Variants in IPO7 observed in about 807,000 individuals in gnomAD.
IPO7 encodes the protein importin 7, also known as importin-7.
A neutral mutation model predicts 136.4 loss-of-function variants in IPO7; 13 were observed. The observed-to-expected ratio is 0.10, with a 90% CI of 0.06 to 0.15. IPO7 has a LOEUF of 0.15. Among genes scored for constraint, IPO7 ranks in the 10% least tolerant of loss-of-function variants. The pLI, the probability that IPO7 is intolerant of heterozygous loss-of-function variation, is 1.00. For missense variants in IPO7, 857 were observed against 1,240.6 expected, an observed-to-expected ratio of 0.69 and a Z score of 4.65; for synonymous variants, 403 against 404.4, an observed-to-expected ratio of 1.00 and a Z score of 0.04.
At chr11:9,410,665 T>C (rs1312692508) in intron 4 of IPO7, among the ~76,000 whole-genome samples, 1 of 152,240 alleles carries the variant, frequency 6.6e-6, no homozygotes, top group Non-Finnish European at 1.5e-5. Context: ...CAAGTGATTA[T>C]TTTAGATCTT....
At chr11:9,386,918 T>C (rs537994973) in intron 1 of IPO7, among the ~76,000 whole-genome samples, 1 of 152,334 alleles carries the variant, frequency 6.6e-6, no homozygotes, top group South Asian at 2.1e-4. Flanking sequence ...TTATAACACC[T>C]AGATTTTTAA....
At chr11:9,404,088 C>T (rs1012984272) in intron 2 of IPO7, among the ~76,000 whole-genome samples, 2 of 152,100 alleles carry the variant, frequency 1.3e-5, no homozygotes, top group Admixed American at 1.3e-4. Context: ...ATACAAAGTA[C>T]CAATAATTTC....
chr11:9,397,341 A>AAAAAAAAAAAAAAAAAAAAAATATATAT, intron 1 of IPO7, among the ~76,000 whole-genome samples: 1 of 10,762 alleles, frequency 9.3e-5, no homozygotes, highest in Non-Finnish European at 1.8e-4. Context: ...TTTAAAAAAA[A>AAAAAAAAAAAAAAAAAAAAAATATATAT]ATATATATAT....
intron 1 of IPO7, among the ~76,000 whole-genome samples, chr11:9,390,383 A>C (rs1001630918): frequency 2.6e-5 from 4 of 151,606 alleles, no homozygotes; most frequent in African/African-American, 9.7e-5. Context: ...GATATACCTT[A>C]CTTATAAATG....
In IPO7 at chr11:9,412,385, G is replaced by C. The variant is rs1364886452; in HGVS notation, c.480-1870G>C. 5.3e-5 allele frequency among the ~76,000 whole-genome samples: 8 copies of C among 152,274 alleles called. No homozygotes were observed. In the South Asian group the frequency reaches 6.2e-4, roughly 12 times the overall value. Reference sequence around the variant, plus strand: ...GAGGGATACCAATAAATACAACTGGGATGTGCTATGGAAAACCAATTTAAA... The same window carrying C: ...GAGGGATACCAATAAATACAACTGGCATGTGCTATGGAAAACCAATTTAAA... On this transcript the variant is annotated intron_variant, in intron 4 of 24. Coordinates refer to ENST00000379719, the MANE Select transcript of IPO7 (RefSeq NM_006391.3).
At position 9,445,692 on chromosome 11, in the gene IPO7, G is replaced by A. The variant is rs1375528517; in HGVS notation, c.*498G>A. On this transcript the variant is annotated 3_prime_UTR_variant, in exon 25 of 25. Transcript: ENST00000379719. ...ATATGTAAATAAGATAAGGTCATCT[G>A]ATAGCCTTATTCAGTCTTCATCATT... The A allele has an allele frequency of 6.5e-6, 1 of 153,254 alleles. No individual in the cohort carries two copies. Among genetic ancestry groups the A allele is most frequent in the South Asian group, 2.0e-4 (1 of 4,896 alleles). 9.5% of individuals were successfully genotyped at this position (153,254 alleles called of 1,614,324 possible).
intron 6 of IPO7, among the ~76,000 whole-genome samples, chr11:9,419,130 A>G (rs1237552696): frequency 6.6e-6 from 1 of 152,218 alleles, no homozygotes; most frequent in Non-Finnish European, 1.5e-5. Context: ...GAATTGGGTC[A>G]TAAGGTAGGT....
chr11:9,401,628 TAATTA>T (rs1347968056), intron 1 of IPO7, among the ~76,000 whole-genome samples: 1 of 152,028 alleles, frequency 6.6e-6, no homozygotes, highest in Admixed American at 6.6e-5. Context: ...TTTGTACCAT[TAATTA>T]AAGTGATCCA....
intron 2 of IPO7, among the ~76,000 whole-genome samples, chr11:9,406,924 A>G (rs1854896786): frequency 6.6e-6 from 1 of 152,196 alleles, no homozygotes; most frequent in African/African-American, 2.4e-5. Flanking sequence ...AGATTTCTGT[A>G]GTGCATGGCA....
chr11:9,422,848 C>T (rs1342726782), intron 8 of IPO7, among the ~76,000 whole-genome samples, 158 bp from the exon 9 acceptor site: 3 of 152,172 alleles, frequency 2.0e-5, no homozygotes, highest in Non-Finnish European at 4.4e-5. Flanking sequence ...TCTTTTCATT[C>T]TTAATCAGAA....
At position 9,446,803 on chromosome 11, in the gene IPO7, G is replaced by A. The variant is rs1297529962; in HGVS notation, c.*1609G>A. On this transcript the variant is annotated 3_prime_UTR_variant, in exon 25 of 25. Transcript: ENST00000379719. Reference sequence around the variant, plus strand: ...ACCAATAATTAAGCCACTACTGTTGGCACTGTTTGGTTTTCTATTTTAACA... The same window carrying A: ...ACCAATAATTAAGCCACTACTGTTGACACTGTTTGGTTTTCTATTTTAACA... The A allele has an allele frequency of 6.6e-6, 1 of 152,044 alleles. No individual in the cohort carries two copies. Among genetic ancestry groups the A allele is most frequent in the African/African-American group, 2.4e-5 (1 of 41,396 alleles). The allele number at this position is 152,044 out of a possible 1,614,324, so 9.4% of individuals were successfully genotyped here. A position where few individuals can be genotyped will look rare whatever the true frequency, so the allele number is the denominator to read the frequency against.
rs1217336810 is a variant in IPO7, at chr11:9,447,659, G to A, written c.*2465G>A. The A allele has an allele frequency of 6.6e-6, 1 of 151,378 alleles. No individual in the cohort carries two copies. The highest frequency in any genetic ancestry group is 1.5e-5 in the Non-Finnish European group (1 of 67,830). The allele number at this position is 151,378 out of a possible 1,614,324, so 9.4% of individuals were successfully genotyped here. A position where few individuals can be genotyped will look rare whatever the true frequency, so the allele number is the denominator to read the frequency against. On this transcript the variant is annotated 3_prime_UTR_variant, in exon 25 of 25. Transcript: ENST00000379719. ...ATTACCCTGTAATTTTTTTTTAGTT[G>A]TAGAAGTTAATTCTGATTTTGTGTG...
rs1185316404 is a variant in IPO7, at chr11:9,412,177, T to C, written c.480-2078T>C. On this transcript the variant is annotated intron_variant, in intron 4 of 24. Coordinates refer to ENST00000379719, the MANE Select transcript of IPO7 (RefSeq NM_006391.3). ...TTTGAAATAATTTGTCAGTAGATAG[T>C]GTTAATAGCTTTAGCAGTCATTGTT... is the stretch of plus-strand genomic sequence containing the variant. 5.3e-5 allele frequency among the ~76,000 whole-genome samples: 8 copies of C among 152,226 alleles called. No individual in the cohort carries two copies. The East Asian group carries it at 7.7e-4, about 15-fold the overall frequency.
chr11:9,440,000 A>AT (rs1490245876), intron 22 of IPO7, among the ~76,000 whole-genome samples: 12 of 152,378 alleles, frequency 7.9e-5, no homozygotes, highest in Admixed American at 5.2e-4. Flanking sequence ...GCACTATAAC[A>AT]TTATGTTAAT....
chr11:9,407,678 T>C (rs764648439), intron 2 of IPO7, among the ~76,000 whole-genome samples: 2 of 152,234 alleles, frequency 1.3e-5, no homozygotes, highest in Non-Finnish European at 2.9e-5. Context: ...TTCTGTCGGT[T>C]ATCCTTGTTC....
intron 16 of IPO7, 154 bp from the exon 17 acceptor site, chr11:9,433,416 A>G (rs1855327445): frequency 3.6e-6 from 2 of 556,680 alleles, no homozygotes; most frequent in Admixed American, 3.1e-5. Flanking sequence ...ATCTGAGATC[A>G]CAATTTCATA....
Position 9,384,700 on chromosome 11 carries a change from G to T in IPO7, c.-64G>T. On this transcript the variant is annotated 5_prime_UTR_variant, in exon 1 of 25. Transcript: ENST00000379719. ...GGAGCGCGGCGGGTCCATGTGCGCAGTGAGTGGCGCTATTCCTGGCCCAGT... is the reference window on the plus strand; with the variant it reads ...GGAGCGCGGCGGGTCCATGTGCGCATTGAGTGGCGCTATTCCTGGCCCAGT... 7.3e-7 allele frequency: 1 copy of T among 1,374,910 alleles called. No homozygotes were observed. Among genetic ancestry groups the T allele is most frequent in the Non-Finnish European group, 1.0e-6 (1 of 998,618 alleles). The allele number at this position is 1,374,910 out of a possible 1,614,324, so 85.2% of individuals were successfully genotyped here. A position where few individuals can be genotyped will look rare whatever the true frequency, so the allele number is the denominator to read the frequency against.
intron 8 of IPO7, among the ~76,000 whole-genome samples, chr11:9,422,402 A>G (rs1466300404): frequency 1.3e-5 from 2 of 151,802 alleles, no homozygotes; most frequent in East Asian, 3.8e-4. Flanking sequence ...CTCAAAACAC[A>G]GTTTTGTTTT....
chr11:9,387,648 A>G (rs1408405142), intron 1 of IPO7, among the ~76,000 whole-genome samples: 2 of 152,220 alleles, frequency 1.3e-5, no homozygotes, highest in African/African-American at 4.8e-5. Flanking sequence ...CCTGACCAAC[A>G]TGGAGAAACC....
Sources: allele counts gnomAD v4.1 joint callset (sites outside exome capture counted in the v4.1 genomes callset), GRCh38; gene constraint gnomAD v4.1.1; transcripts MANE v1.5; gene names NCBI Gene and HGNC (gene_info 2026-07-23, HGNC 2026-07-21).